RAPGEF4: variants seen among roughly 807,000 people sequenced by gnomAD.
RAPGEF4 encodes the protein Rap guanine nucleotide exchange factor 4, also known as RAP guanine-nucleotide-exchange factor (GEF) 4.
In RAPGEF4, 66 loss-of-function variants were observed where a neutral mutation model predicts 147.9. The observed-to-expected ratio is 0.45, with a 90% CI of 0.37 to 0.55. The LOEUF (loss-of-function observed/expected upper bound fraction) is 0.55, where lower values mean the gene tolerates loss of function less well. Among genes scored for constraint, RAPGEF4 ranks in the 20% least tolerant of loss-of-function variants. The probability of loss-of-function intolerance (pLI) is 0.00; values close to 1 mark genes in which losing one functional copy is unlikely to be tolerated. For synonymous variants in RAPGEF4, 419 were observed against 442.7 expected (o/e 0.95, Z 0.67); for missense variants, 1,071 against 1,257.3 (o/e 0.85, Z 2.24).
intron 15 of RAPGEF4, among the ~76,000 whole-genome samples, chr2:172,992,847 G>T (rs969780499): frequency 6.6e-6 from 1 of 152,140 alleles, no homozygotes; most frequent in African/African-American, 2.4e-5. Context: ...TTTCCCTGAA[G>T]AATGAAAAGC....
intron 25 of RAPGEF4, among the ~76,000 whole-genome samples, chr2:173,029,784 C>T (rs1227117879): frequency 1.3e-5 from 2 of 152,172 alleles, no homozygotes; most frequent in Non-Finnish European, 2.9e-5. Context: ...GGATATCCAC[C>T]TTCAGGCTAA....
chr2:172,919,963 G>C (rs941383450), intron 5 of RAPGEF4, among the ~76,000 whole-genome samples: 41 of 152,008 alleles, frequency 2.7e-4, no homozygotes, highest in Admixed American at 5.2e-4. Flanking sequence ...CAGCCACCTG[G>C]CCTTGGGCCT....
intron 4 of RAPGEF4, among the ~76,000 whole-genome samples, chr2:172,891,072 A>C (rs1697853374): frequency 6.6e-6 from 1 of 152,198 alleles, no homozygotes. Context: ...TGGAGGTTGC[A>C]GTGAGCTGAG....
intron 6 of RAPGEF4, among the ~76,000 whole-genome samples, chr2:172,942,349 A>G (rs761101390): frequency 4.0e-5 from 6 of 151,782 alleles, no homozygotes; most frequent in Non-Finnish European, 5.9e-5. Flanking sequence ...CAGAACCACC[A>G]TCTGCTTTCT....
chr2:172,880,229 C>T (rs952071687), intron 4 of RAPGEF4, among the ~76,000 whole-genome samples: 1 of 152,166 alleles, frequency 6.6e-6, no homozygotes, highest in Non-Finnish European at 1.5e-5. Flanking sequence ...CTCAGTGCTC[C>T]GCGCTCTGGG....
intron 4 of RAPGEF4, among the ~76,000 whole-genome samples, chr2:172,850,767 A>G (rs1009848346): frequency 5.3e-5 from 8 of 152,222 alleles, no homozygotes; most frequent in East Asian, 1.9e-4. Flanking sequence ...GGACACATCA[A>G]TGTAATTATT....
At chr2:172,861,450 G>A (rs1270957568) in intron 4 of RAPGEF4, among the ~76,000 whole-genome samples, 1 of 152,194 alleles carries the variant, frequency 6.6e-6, no homozygotes, top group Non-Finnish European at 1.5e-5. Context: ...AGTGCCAGTT[G>A]CAAATAGAAT....
intron 1 of RAPGEF4, among the ~76,000 whole-genome samples, chr2:172,779,085 A>G (rs1684442081): frequency 6.6e-6 from 1 of 152,334 alleles, no homozygotes; most frequent in South Asian, 2.1e-4. Flanking sequence ...ACAAAAGTAT[A>G]TTTATTTCAG....
At chr2:172,904,116 AC>A (rs1268103339) in intron 4 of RAPGEF4, among the ~76,000 whole-genome samples, 1 of 152,190 alleles carries the variant, frequency 6.6e-6, no homozygotes, top group Non-Finnish European at 1.5e-5. Context: ...ATATGTAGGC[AC>A]TTTTTTGTAA....
chr2:172,834,550 A>T (rs1690713598), intron 4 of RAPGEF4, among the ~76,000 whole-genome samples: 1 of 152,252 alleles, frequency 6.6e-6, no homozygotes, highest in South Asian at 2.1e-4. Flanking sequence ...TCAACAAGAA[A>T]TAATCCCATT....
intron 23 of RAPGEF4, among the ~76,000 whole-genome samples, chr2:173,024,592 T>C (rs1696479110): frequency 6.6e-6 from 1 of 152,162 alleles, no homozygotes; most frequent in Non-Finnish European, 1.5e-5. Flanking sequence ...ATTTACATGA[T>C]TCACTGAAAT....
At chr2:172,767,304 G>A (rs976278746) in intron 1 of RAPGEF4, among the ~76,000 whole-genome samples, 10 of 151,302 alleles carry the variant, frequency 6.6e-5, no homozygotes, top group African/African-American at 1.2e-4. Flanking sequence ...TCAGCTTCCC[G>A]AGTAGCTGGG....
intron 3 of RAPGEF4, among the ~76,000 whole-genome samples, chr2:172,799,946 A>G (rs747407232): frequency 2.0e-5 from 3 of 152,156 alleles, no homozygotes; most frequent in Non-Finnish European, 2.9e-5. Flanking sequence ...TTAACCAGTT[A>G]TCTCTCACCA....
intron 1 of RAPGEF4, among the ~76,000 whole-genome samples, chr2:172,745,387 C>G (rs1400437179): frequency 6.6e-6 from 1 of 151,222 alleles, no homozygotes; most frequent in Non-Finnish European, 1.5e-5. Context: ...CCTTATAATC[C>G]TTTTAATGCC....
intron 1 of RAPGEF4, among the ~76,000 whole-genome samples, chr2:172,794,361 A>AG (rs1284348078): frequency 7.9e-5 from 12 of 151,258 alleles, no homozygotes; most frequent in South Asian, 4.2e-4. Flanking sequence ...AAAAAAAAAA[A>AG]AAAAGAAAAA....
chr2:172,851,653 T>C (rs1002848558), intron 4 of RAPGEF4, among the ~76,000 whole-genome samples: 4 of 152,108 alleles, frequency 2.6e-5, no homozygotes, highest in Non-Finnish European at 5.9e-5. Flanking sequence ...AGCAACATGG[T>C]TGGAACTGGA....
Position 172,983,485 on chromosome 2 carries a change from T to C in RAPGEF4, c.1005-11T>C, listed in dbSNP as rs757283414. 3.2e-6 allele frequency: 5 copies of C among 1,582,676 alleles called. No individual in the cohort carries two copies. In the African/African-American group the frequency reaches 6.9e-5, roughly 22 times the overall value. ...TTTTCCATATTCCTTTTTTTTTTTT[T>C]ATCTTTGTAGACCTGGCCAGAGGAC... is the stretch of plus-strand genomic sequence containing the variant. On this transcript the variant is annotated splice_polypyrimidine_tract_variant and intron_variant, in intron 10 of 30. Transcript: ENST00000397081.
intron 6 of RAPGEF4, among the ~76,000 whole-genome samples, chr2:172,944,993 C>CTTAT (rs1687547024): frequency 6.6e-6 from 1 of 151,848 alleles, no homozygotes; most frequent in Non-Finnish European, 1.5e-5. Context: ...TCTTCTTATA[C>CTTAT]ACATTCTTGG....
chr2:172,764,431 G>A (rs1574749431), intron 1 of RAPGEF4, among the ~76,000 whole-genome samples: 1 of 152,334 alleles, frequency 6.6e-6, no homozygotes, highest in Non-Finnish European at 1.5e-5. Flanking sequence ...AAATCCTGGA[G>A]TCCTACCATA....
Sources: gnomAD v4.1 joint callset for allele counts (sites outside exome capture counted in the v4.1 genomes callset) on GRCh38, gnomAD v4.1.1 for gene constraint, MANE v1.5 for transcripts, NCBI Gene and HGNC (gene_info 2026-07-23, HGNC 2026-07-21) for gene names.